Variants in SCRN1 observed in about 807,000 individuals in gnomAD.
SCRN1 encodes secernin-1.
A neutral mutation model predicts 43.3 loss-of-function variants in SCRN1; 19 were observed. The observed-to-expected ratio is 0.44, with a 90% confidence interval of 0.31 to 0.64. SCRN1 has a LOEUF of 0.64. Ranked by LOEUF, SCRN1 falls within the 30% of genes least tolerant of loss-of-function variation. SCRN1 has a pLI of 0.09. For synonymous variants in SCRN1, 183 were observed against 188.9 expected (o/e 0.97, Z 0.26); for missense variants, 447 against 524.1 (o/e 0.85, Z 1.44).
chr7:29,931,596 T>C (rs969289608), intron 6 of SCRN1, among the ~76,000 whole-genome samples: 2 of 152,238 alleles, frequency 1.3e-5, no homozygotes, highest in Non-Finnish European at 1.5e-5. Context: ...AAAAATAAAA[T>C]ACTTTTTATG....
At chr7:29,984,918 C>CAAA (rs748869830) in intron 1 of SCRN1, among the ~76,000 whole-genome samples, 5 of 55,604 alleles carry the variant, frequency 9.0e-5, no homozygotes, top group African/African-American at 3.7e-4. Flanking sequence ...GACTCTGTCT[C>CAAA]AAAAAAAAAA....
chr7:29,983,523 T>C (rs1789059707), intron 1 of SCRN1, among the ~76,000 whole-genome samples: 2 of 151,924 alleles, frequency 1.3e-5, no homozygotes, highest in South Asian at 4.1e-4. Context: ...TGTTCTTTGC[T>C]AGAAAGATTC....
chr7:29,959,431 T>C (rs1166559329), intron 2 of SCRN1, among the ~76,000 whole-genome samples: 1 of 152,112 alleles, frequency 6.6e-6, no homozygotes, highest in Non-Finnish European at 1.5e-5. Context: ...TGTGTATGTG[T>C]GTATTTTGTT....
intron 3 of SCRN1, chr7:29,947,364 G>C: frequency 6.5e-7 from 1 of 1,543,510 alleles, no homozygotes; most frequent in Non-Finnish European, 8.7e-7. Flanking sequence ...CCTGCTTAAA[G>C]CCCGTTTGTT....
intron 1 of SCRN1, chr7:29,969,685 T>A (rs971944222): frequency 2.8e-5 from 11 of 398,964 alleles, no homozygotes; most frequent in African/African-American, 1.9e-4. Context: ...CCTCACTGCT[T>A]CATCCTTCTT....
intron 5 of SCRN1, among the ~76,000 whole-genome samples, chr7:29,937,447 CCTA>C (rs1184288649): frequency 6.6e-6 from 1 of 152,260 alleles, no homozygotes; most frequent in East Asian, 1.9e-4. Context: ...AGAGAAATAA[CCTA>C]CTATTTTTTT....
In SCRN1 at chr7:29,950,243, C is replaced by T. The variant is rs1787876296; in HGVS notation, c.341+4936G>A. Reference sequence around the variant, plus strand: ...GTGCAGAGCAAAGTTGTGGCTGAGCCCAGGTGCTATTGCAACCTGGCTGGG... The same window carrying T: ...GTGCAGAGCAAAGTTGTGGCTGAGCTCAGGTGCTATTGCAACCTGGCTGGG... On this transcript the variant is annotated intron_variant, in intron 3 of 7. Coordinates refer to ENST00000242059, the MANE Select transcript of SCRN1 (RefSeq NM_014766.5). This position sits in a 1 kb window ranked among gnomAD's most constrained non-coding sequence, Gnocchi z 4.5. Among the ~76,000 whole-genome samples the T allele has an allele frequency of 6.6e-6, 1 of 152,296 alleles. No individual in the cohort carries two copies. The highest frequency in any genetic ancestry group is 2.4e-5 in the African/African-American group (1 of 41,576).
chr7:29,951,778 G>A (rs567015078), intron 3 of SCRN1, among the ~76,000 whole-genome samples: 2 of 152,278 alleles, frequency 1.3e-5, no homozygotes, highest in South Asian at 2.1e-4. Flanking sequence ...AAGCCTCTAG[G>A]AAACATACAC....
chr7:29,955,225 C>T lies in SCRN1; in HGVS notation c.295G>A (p.Glu99Lys). 1 of 1,614,188 alleles carries T rather than the reference C, an allele frequency of 6.2e-7. No homozygotes were observed. The change falls in exon 3 of 8, where the codon GAG becomes AAG. Residue 99 changes from glutamate (E) to lysine (K), a missense_variant. By Grantham distance (56) the Glu-to-Lys change is moderately conservative. Transcript: ENST00000242059. ...CIANEAINTR[E>K]PAAEIEALLG... ...AAGGCTTCTATCTCGGCAGCTGGCTCTCTGGTGTTGATGGCTTCATTGGCT... is the reference window on the plus strand; with the variant it reads ...AAGGCTTCTATCTCGGCAGCTGGCTTTCTGGTGTTGATGGCTTCATTGGCT...
chr7:29,947,141 T>A, intron 3 of SCRN1: 1 of 1,526,532 alleles, frequency 6.6e-7, no homozygotes, highest in Non-Finnish European at 8.8e-7. Context: ...GTAACATCTA[T>A]CTTCTGTGCA....
At chr7:29,979,736 G>A (rs1310291934) in intron 1 of SCRN1, among the ~76,000 whole-genome samples, 2 of 152,180 alleles carry the variant, frequency 1.3e-5, no homozygotes, top group Non-Finnish European at 1.5e-5. Flanking sequence ...AAGGAAAGAG[G>A]AGAGATTAAT....
chr7:29,943,928 CT>C, intron 4 of SCRN1, 48 bp downstream of exon 4: 1 of 1,559,452 alleles, frequency 6.4e-7, no homozygotes, highest in South Asian at 1.1e-5. Context: ...CACCCCATCT[CT>C]GTGGCCTTCC....
intron 1 of SCRN1, among the ~76,000 whole-genome samples, chr7:29,976,224 A>G (rs1271639259): frequency 6.6e-6 from 1 of 152,206 alleles, no homozygotes; most frequent in South Asian, 2.1e-4. Flanking sequence ...CATCCAATAC[A>G]GTAGCCACCA....
chr7:29,933,396 G>A (rs1022009363), intron 6 of SCRN1, among the ~76,000 whole-genome samples: 3 of 152,076 alleles, frequency 2.0e-5, no homozygotes, highest in African/African-American at 4.8e-5. Flanking sequence ...TCAGCTTTCC[G>A]TGGCTCCAGC....
chr7:29,943,920 C>T (rs1787641044), intron 4 of SCRN1, 57 bp downstream of exon 4: 11 of 1,537,562 alleles, frequency 7.2e-6, no homozygotes, highest in South Asian at 1.1e-5. Context: ...GTGCAGGCCA[C>T]CCCATCTCTG....
chr7:29,958,222 C>T (rs1361478452), intron 2 of SCRN1, among the ~76,000 whole-genome samples: 1 of 152,216 alleles, frequency 6.6e-6, no homozygotes, highest in African/African-American at 2.4e-5. Flanking sequence ...CCATTCACAC[C>T]TGCTCCATTA....
intron 2 of SCRN1, among the ~76,000 whole-genome samples, chr7:29,967,606 A>G (rs1056858257): frequency 6.6e-6 from 1 of 152,162 alleles, no homozygotes; most frequent in African/African-American, 2.4e-5. Flanking sequence ...CCAGCAGCTT[A>G]CTTAATAGGG....
chr7:29,980,641 T>C (rs946110233), intron 1 of SCRN1, among the ~76,000 whole-genome samples: 3 of 152,210 alleles, frequency 2.0e-5, no homozygotes, highest in African/African-American at 7.2e-5. Context: ...GGTAATAAGA[T>C]GTAAATCTTG....
At chr7:29,987,164 C>T (rs981138929) in intron 1 of SCRN1, among the ~76,000 whole-genome samples, 1 of 152,216 alleles carries the variant, frequency 6.6e-6, no homozygotes, top group Non-Finnish European at 1.5e-5. Flanking sequence ...TCTCCCTCTG[C>T]ACATCACTGG....
Sources: allele counts gnomAD v4.1 joint callset (sites outside exome capture counted in the v4.1 genomes callset), GRCh38; gene constraint gnomAD v4.1.1; non-coding constraint Gnocchi (gnomAD v3.1); transcripts MANE v1.5; gene names NCBI Gene and HGNC (gene_info 2026-07-23, HGNC 2026-07-21).